SORCS2: variants seen among roughly 807,000 people sequenced by gnomAD.
SORCS2 encodes the protein sortilin related VPS10 domain containing receptor 2, also known as VPS10 domain-containing receptor SorCS2.
SORCS2 carries 100 observed loss-of-function variants against 141.6 expected under a neutral mutation model. That is an observed-to-expected ratio of 0.71 (90% confidence interval 0.60 to 0.83). The LOEUF (loss-of-function observed/expected upper bound fraction) is 0.83. Ranked by LOEUF, SORCS2 falls within the 40% of genes least tolerant of loss-of-function variation. The probability of loss-of-function intolerance (pLI) is 0.00; values close to 1 mark genes in which losing one functional copy is unlikely to be tolerated. For synonymous variants in SORCS2, 789 were observed against 676.9 expected, an observed-to-expected ratio of 1.17 and a Z score of -2.57; for missense variants, 1,646 against 1,560.2, an observed-to-expected ratio of 1.05 and a Z score of -0.93.
At chr4:7,696,106 G>A (rs1724691425) in intron 11 of SORCS2, among the ~76,000 whole-genome samples, 2 of 152,154 alleles carry the variant, frequency 1.3e-5, no homozygotes, top group South Asian at 4.1e-4. Context: ...ATCTATTTGA[G>A]GACAATCCAT....
At chr4:7,539,598 ACT>A (rs1712401650) in intron 3 of SORCS2, among the ~76,000 whole-genome samples, 3 of 148,018 alleles carry the variant, frequency 2.0e-5, no homozygotes, top group South Asian at 2.1e-4. Flanking sequence ...TTTGTCTCTC[ACT>A]CTCTCTGTCT....
Position 7,726,643 on chromosome 4 carries a change from A to T in SORCS2, c.2746-137A>T, listed in dbSNP as rs866965787. On this transcript the variant is annotated intron_variant, in intron 20 of 26. Transcript: ENST00000507866. The stretch of plus-strand genomic sequence containing the variant: ...CCTCCCTGGGTGCTGCCACCACAGG[A>T]TGTCCATAATGGGCCCATTTGCTGA... The T allele has an allele frequency of 2.2e-4, 248 of 1,118,154 alleles. 2 individuals carry two copies. The Middle Eastern group carries it at 4.3e-3, about 19-fold the overall frequency. 69.3% of individuals were successfully genotyped at this position (1,118,154 alleles called of 1,614,324 possible). A position where few individuals can be genotyped will look rare whatever the true frequency, so the allele number is the denominator to read the frequency against.
chr4:7,556,532 G>C (rs553484537), intron 3 of SORCS2, among the ~76,000 whole-genome samples: 25 of 152,274 alleles, frequency 1.6e-4, no homozygotes, highest in Non-Finnish European at 3.2e-4. Context: ...AGGAGGCTGA[G>C]ACCCAGTCTT....
chr4:7,403,985 ATATATATATATATTTTT>A (rs1287398691), intron 2 of SORCS2, among the ~76,000 whole-genome samples: 36 of 70,100 alleles, frequency 5.1e-4, no homozygotes, highest in African/African-American at 9.0e-4. Context: ...ATATATATAT[ATATATATATATATTTTT>A]TTTTTTTTTT....
At chr4:7,618,819 G>A (rs1485759237) in intron 3 of SORCS2, among the ~76,000 whole-genome samples, 2 of 140,774 alleles carry the variant, frequency 1.4e-5, no homozygotes, top group South Asian at 4.9e-4. Flanking sequence ...TTTACTTATT[G>A]TCTGAGCCAT....
At chr4:7,343,086 G>A (rs1219366965) in intron 1 of SORCS2, among the ~76,000 whole-genome samples, 1 of 152,214 alleles carries the variant, frequency 6.6e-6, no homozygotes, top group Non-Finnish European at 1.5e-5. Context: ...AGTAGCTCGT[G>A]ATCCTCTGCC....
At chr4:7,388,369 C>T (rs1401492741) in intron 1 of SORCS2, among the ~76,000 whole-genome samples, 1 of 152,188 alleles carries the variant, frequency 6.6e-6, no homozygotes, top group African/African-American at 2.4e-5. Flanking sequence ...TGAGAAAAGC[C>T]ACCTGTGTTC....
intron 1 of SORCS2, among the ~76,000 whole-genome samples, chr4:7,364,621 T>A (rs753113351): frequency 8.5e-5 from 13 of 152,134 alleles, no homozygotes; most frequent in Non-Finnish European, 1.6e-4. Context: ...CCTTTGAGAA[T>A]GATTTTTGTT....
chr4:7,552,780 C>G (rs1713811536), intron 3 of SORCS2, among the ~76,000 whole-genome samples: 1 of 152,072 alleles, frequency 6.6e-6, no homozygotes, highest in Admixed American at 6.5e-5. Context: ...CCCCTGAGCT[C>G]TGTATGAGCT....
At chr4:7,632,469 C>G (rs1175620155) in intron 3 of SORCS2, among the ~76,000 whole-genome samples, 2 of 152,230 alleles carry the variant, frequency 1.3e-5, no homozygotes, top group African/African-American at 4.8e-5. Context: ...TAATCCTTCC[C>G]TGTCAGCACC....
intron 2 of SORCS2, among the ~76,000 whole-genome samples, chr4:7,530,054 GC>G (rs1208113400): frequency 1.3e-5 from 2 of 152,208 alleles, no homozygotes; most frequent in African/African-American, 4.8e-5. Context: ...TGGCCACGTG[GC>G]CAGCATGCCC....
intron 13 of SORCS2, 128 bp downstream of exon 13, chr4:7,703,499 A>G: frequency 2.8e-6 from 2 of 710,786 alleles, no homozygotes; most frequent in Non-Finnish European, 4.6e-6. Context: ...GAGCAACTGC[A>G]CTAAATCCTA....
intron 24 of SORCS2, among the ~76,000 whole-genome samples, chr4:7,734,035 G>A (rs940156886): frequency 6.6e-6 from 1 of 152,104 alleles, no homozygotes; most frequent in Non-Finnish European, 1.5e-5. Context: ...CAGGGGACGG[G>A]CAGGAACAGG....
At chr4:7,670,430 A>G (rs1274105294) in intron 8 of SORCS2, among the ~76,000 whole-genome samples, 1 of 152,252 alleles carries the variant, frequency 6.6e-6, no homozygotes, top group Admixed American at 6.5e-5. Context: ...ATTCACAAGA[A>G]TGGGTAAATG....
At chr4:7,568,531 A>C (rs939799407) in intron 3 of SORCS2, among the ~76,000 whole-genome samples, 1 of 152,148 alleles carries the variant, frequency 6.6e-6, no homozygotes, top group Non-Finnish European at 1.5e-5. Context: ...TTCATGTTCC[A>C]CATTGATTTT....
At chr4:7,434,853 G>A (rs1417456320) in intron 2 of SORCS2, 5 of 1,583,550 alleles carry the variant, frequency 3.2e-6, no homozygotes, top group East Asian at 2.3e-5. Context: ...CCAGGAGGCT[G>A]GGCAGGAGGA....
At chr4:7,691,625 G>A (rs1268826158) in intron 11 of SORCS2, among the ~76,000 whole-genome samples, 4 of 152,044 alleles carry the variant, frequency 2.6e-5, no homozygotes, top group Non-Finnish European at 2.9e-5. Context: ...AATGATCAAC[G>A]AAAATGTGAC....
At chr4:7,704,941 G>A (rs1018816207) in intron 14 of SORCS2, among the ~76,000 whole-genome samples, 2 of 152,224 alleles carry the variant, frequency 1.3e-5, no homozygotes, top group East Asian at 1.9e-4. Context: ...GCGACCCCGC[G>A]CTGTGGCACG....
rs531161974 is a variant in SORCS2, at chr4:7,305,063, G to T, written c.481-91225G>T. 5.5e-5 allele frequency among the ~76,000 whole-genome samples: 8 copies of T among 144,514 alleles called. No homozygotes were observed. The South Asian group carries it at 9.2e-4, about 17-fold the overall frequency. 94.8% of individuals were successfully genotyped at this position (144,514 alleles called of 152,430 possible). On this transcript the variant is annotated intron_variant, in intron 1 of 26. Transcript: ENST00000507866. Reference sequence around the variant, plus strand: ...TTTTTTTTTTTTTGAGACAGAGTCTGGCTCTTTTGCCCAGGCTGGAGTGCA... The same window carrying T: ...TTTTTTTTTTTTTGAGACAGAGTCTTGCTCTTTTGCCCAGGCTGGAGTGCA...
Sources: allele counts gnomAD v4.1 joint callset (sites outside exome capture counted in the v4.1 genomes callset), GRCh38; gene constraint gnomAD v4.1.1; transcripts MANE v1.5; gene names NCBI Gene and HGNC (gene_info 2026-07-23, HGNC 2026-07-21).